GOLGA8A: variants seen among roughly 807,000 people sequenced by gnomAD.
GOLGA8A encodes the protein golgin subfamily A member 8A.
A neutral mutation model predicts 22.1 loss-of-function variants in GOLGA8A; 3 were observed. The ratio of observed to expected loss-of-function variants is 0.14; its 90% CI spans 0.06 to 0.35. GOLGA8A has a LOEUF of 0.35. Among genes scored for constraint, GOLGA8A ranks in the 10% least tolerant of loss-of-function variants. The pLI is 1.00. For missense variants in GOLGA8A, 16 were observed against 233.2 expected (o/e 0.07, Z 6.07); for synonymous variants, 7 against 91.7 (o/e 0.08, Z 5.28).
chr15:34,380,019 ACAGT>A lies in GOLGA8A; in HGVS notation c.*1388_*1391del, dbSNP rs1382014716. The A allele has an allele frequency of 2.6e-5, 4 of 152,662 alleles. No individual in the cohort carries two copies. The highest frequency in any genetic ancestry group is 4.4e-5 in the Non-Finnish European group (3 of 68,044). 9.5% of individuals were successfully genotyped at this position (152,662 alleles called of 1,614,324 possible). On this transcript the variant is annotated 3_prime_UTR_variant, in exon 25 of 25. Coordinates refer to ENST00000359187, the MANE Select transcript of GOLGA8A (RefSeq NM_181077.5). ...ACATTCACAAACAGTAGATTGCACC[ACAGT>A]GTGTAAACATTTTAAGTTGCATAAA...
Position 34,429,522 on chromosome 15 carries a change from C to G in GOLGA8A, c.-1123+5861G>C, listed in dbSNP as rs1455011888. Among the ~76,000 whole-genome samples, 10 of 148,360 alleles carry G rather than the reference C, an allele frequency of 6.7e-5. 1 individual carries two copies. In the East Asian group the frequency reaches 2.0e-3, roughly 29 times the overall value. ...CTAGGATGGGGTCCATGATCCACCCCAACCTACCGTGGGGCTCTCACATCT... is the reference window on the plus strand; with the variant it reads ...CTAGGATGGGGTCCATGATCCACCCGAACCTACCGTGGGGCTCTCACATCT... On this transcript the variant is annotated intron_variant, in intron 2 of 24. Coordinates refer to ENST00000359187, the MANE Select transcript of GOLGA8A (RefSeq NM_181077.5).
rs1352458976 is a variant in GOLGA8A at position 34,431,282 on chromosome 15, GAA to G, written c.-1123+4099_-1123+4100del. 3.8e-5 allele frequency among the ~76,000 whole-genome samples: 3 copies of G among 78,600 alleles called. No homozygotes were observed. The Admixed American group carries it at 4.6e-4, about 12-fold the overall frequency. 51.6% of individuals were successfully genotyped at this position (78,600 alleles called of 152,430 possible). A position where few individuals can be genotyped will look rare whatever the true frequency, so the allele number is the denominator to read the frequency against. On this transcript the variant is annotated intron_variant, in intron 2 of 24. Transcript: ENST00000359187. ...TCCAGGAATGCCAAACCAACCAAAT[GAA>G]AAAAAATTATATATATATATATATA...
At chr15:34,420,212 A>T (rs1892741465) in intron 2 of GOLGA8A, 1 of 146,548 alleles carries the variant, frequency 6.8e-6, no homozygotes. Flanking sequence ...CGATTCTCCC[A>T]GAAGTTTTCC....
intron 2 of GOLGA8A, among the ~76,000 whole-genome samples, chr15:34,430,920 C>A (rs1200061635): frequency 6.7e-6 from 1 of 149,256 alleles, no homozygotes. Flanking sequence ...CCCACTGCAC[C>A]ACACCCGTGA....
At chr15:34,430,183 A>T (rs1171767274) in intron 2 of GOLGA8A, among the ~76,000 whole-genome samples, 12 of 149,184 alleles carry the variant, frequency 8.0e-5, no homozygotes, top group Non-Finnish European at 1.5e-4. Context: ...AATCTGTGAA[A>T]GCTCAAGGGA....
intron 2 of GOLGA8A, among the ~76,000 whole-genome samples, chr15:34,432,004 T>C (rs139526391): frequency 6.7e-6 from 1 of 149,254 alleles, no homozygotes; most frequent in African/African-American, 2.5e-5. Context: ...CGACTCACTA[T>C]TTACTAATAA....
In GOLGA8A at chr15:34,431,335, A is replaced by ATCTCTCTC. The variant is rs1254192860; in HGVS notation, c.-1123+4047_-1123+4048insGAGAGAGA. ...TACATATATATATATATATATATAT[A>ATCTCTCTC]TATATATATATCTCACACACACACA... On this transcript the variant is annotated intron_variant, in intron 2 of 24. Transcript: ENST00000359187. 1.6e-4 allele frequency among the ~76,000 whole-genome samples: 11 copies of ATCTCTCTC among 69,720 alleles called. 1 individual carries two copies. Among genetic ancestry groups the ATCTCTCTC allele is most frequent in the Middle Eastern group, 8.3e-3 (1 of 120 alleles). The allele number at this position is 69,720 out of a possible 152,430, so 45.7% of individuals were successfully genotyped here.
At chr15:34,427,422 T>A (rs1191454039) in intron 2 of GOLGA8A, among the ~76,000 whole-genome samples, 1 of 148,792 alleles carries the variant, frequency 6.7e-6, no homozygotes, top group African/African-American at 2.5e-5. Flanking sequence ...TTCTGAAAAC[T>A]TGCTTTAAAG....
At position 34,381,016 on chromosome 15, in the gene GOLGA8A, T is replaced by G. The variant is rs1891461116; in HGVS notation, c.*395A>C. The G allele has an allele frequency of 2.9e-6, 1 of 349,366 alleles. No homozygotes were observed. Among genetic ancestry groups the G allele is most frequent in the Non-Finnish European group, 5.5e-6 (1 of 182,582 alleles). 21.6% of individuals were successfully genotyped at this position (349,366 alleles called of 1,614,324 possible). A position where few individuals can be genotyped will look rare whatever the true frequency, so the allele number is the denominator to read the frequency against. Reference sequence around the variant, plus strand: ...TAGCAGAACATTAGCAAATTTTATCTGAATTCTGTAATGGACATCCATGCT... The same window carrying G: ...TAGCAGAACATTAGCAAATTTTATCGGAATTCTGTAATGGACATCCATGCT... On this transcript the variant is annotated 3_prime_UTR_variant, in exon 25 of 25. Coordinates refer to ENST00000359187, the MANE Select transcript of GOLGA8A (RefSeq NM_181077.5).
rs1891459777 is a variant in GOLGA8A at position 34,380,996 on chromosome 15, G to C, written c.*415C>G. On this transcript the variant is annotated 3_prime_UTR_variant, in exon 25 of 25. Transcript: ENST00000359187. The stretch of plus-strand genomic sequence containing the variant: ...TAAGATGAGATCAAACATCATAGCA[G>C]AACATTAGCAAATTTTATCTGAATT... 2 of 344,786 alleles carry C rather than the reference G, an allele frequency of 5.8e-6. No individual in the cohort carries two copies. Among genetic ancestry groups the C allele is most frequent in the South Asian group, 2.4e-5 (1 of 42,202 alleles). The allele number at this position is 344,786 out of a possible 1,614,324, so 21.4% of individuals were successfully genotyped here. A position where few individuals can be genotyped will look rare whatever the true frequency, so the allele number is the denominator to read the frequency against.
rs1176663381 is a variant in GOLGA8A, at chr15:34,421,406, C to T, written c.-1122-13671G>A. ...CCAGCACTCTGCTCTGTATAAAAGA[C>T]TGACTGTGGCAAGATAAGGGTTTAA... On this transcript the variant is annotated intron_variant, in intron 2 of 24. Transcript: ENST00000359187. 5.6e-5 allele frequency among the ~76,000 whole-genome samples: 8 copies of T among 141,772 alleles called. 1 individual carries two copies. Among genetic ancestry groups the T allele is most frequent in the African/African-American group, 7.8e-5 (3 of 38,306 alleles). The allele number at this position is 141,772 out of a possible 152,430, so 93.0% of individuals were successfully genotyped here. A position where few individuals can be genotyped will look rare whatever the true frequency, so the allele number is the denominator to read the frequency against.
At position 34,431,291 on chromosome 15, in the gene GOLGA8A, TTATATATATATATATATATACATATA is replaced by T. The variant is rs1437770771; in HGVS notation, c.-1123+4066_-1123+4091del. ...GCCAAACCAACCAAATGAAAAAAAA[TTATATATATATATATATATACATATA>T]TATATATATATATATATATATATAT... On this transcript the variant is annotated intron_variant, in intron 2 of 24. Coordinates refer to ENST00000359187, the MANE Select transcript of GOLGA8A (RefSeq NM_181077.5). Among the ~76,000 whole-genome samples the T allele has an allele frequency of 5.8e-4, 65 of 112,144 alleles. 2 individuals are homozygous for T. The highest frequency in any genetic ancestry group is 1.3e-3 in the African/African-American group (38 of 28,274). 73.6% of individuals were successfully genotyped at this position (112,144 alleles called of 152,430 possible). A position where few individuals can be genotyped will look rare whatever the true frequency, so the allele number is the denominator to read the frequency against.
At position 34,379,773 on chromosome 15, in the gene GOLGA8A, T is replaced by G. The variant is rs1252859675; in HGVS notation, c.*1638A>C. On this transcript the variant is annotated 3_prime_UTR_variant, in exon 25 of 25. Transcript: ENST00000359187. Reference sequence around the variant, plus strand: ...ACAGACATTAGAACTTCATGAAGTTTTAACTGTTGATTCTTTCCCAAGCAT... The same window carrying G: ...ACAGACATTAGAACTTCATGAAGTTGTAACTGTTGATTCTTTCCCAAGCAT... 3 of 152,678 alleles carry G rather than the reference T, an allele frequency of 2.0e-5. No homozygotes were observed. Among genetic ancestry groups the G allele is most frequent in the Admixed American group, 6.5e-5 (1 of 15,292 alleles). 9.5% of individuals were successfully genotyped at this position (152,678 alleles called of 1,614,324 possible).
At position 34,434,860 on chromosome 15, in the gene GOLGA8A, G is replaced by A. The variant is rs541197386; in HGVS notation, c.-1123+523C>T. ...GGCAAGGGTGAGGAACTGAGACTGC[G>A]TTGAGGACACACAGCCTGTGAGTGG... On this transcript the variant is annotated intron_variant, in intron 2 of 24. Coordinates refer to ENST00000359187, the MANE Select transcript of GOLGA8A (RefSeq NM_181077.5). Among the ~76,000 whole-genome samples, 162 of 149,692 alleles carry A rather than the reference G, an allele frequency of 1.1e-3. 11 individuals are homozygous for A. The highest frequency in any genetic ancestry group is 1.5e-3 in the Non-Finnish European group (102 of 67,222).
At position 34,379,313 on chromosome 15, in the gene GOLGA8A, T is replaced by C. The variant is rs1891358956; in HGVS notation, c.*2098A>G. On this transcript the variant is annotated 3_prime_UTR_variant, in exon 25 of 25. Coordinates refer to ENST00000359187, the MANE Select transcript of GOLGA8A (RefSeq NM_181077.5). Reference sequence around the variant, plus strand: ...ACTACAGGATTTATATTTTAAAATGTTTTATTTCAGAACATTAAGATAGCA... The same window carrying C: ...ACTACAGGATTTATATTTTAAAATGCTTTATTTCAGAACATTAAGATAGCA... 1 of 152,666 alleles carries C rather than the reference T, an allele frequency of 6.6e-6. No individual in the cohort carries two copies. The highest frequency in any genetic ancestry group is 2.1e-4 in the South Asian group (1 of 4,832). 9.5% of individuals were successfully genotyped at this position (152,666 alleles called of 1,614,324 possible).
At position 34,426,746 on chromosome 15, in the gene GOLGA8A, T is replaced by C. The variant is rs918605412; in HGVS notation, c.-1123+8637A>G. ...TAATTGCGAGAAGGCAAAATTTTTT[T>C]AAAACAGAGACATCAAGCCAGGTAC... On this transcript the variant is annotated intron_variant, in intron 2 of 24. Coordinates refer to ENST00000359187, the MANE Select transcript of GOLGA8A (RefSeq NM_181077.5). Among the ~76,000 whole-genome samples, 9 of 143,178 alleles carry C rather than the reference T, an allele frequency of 6.3e-5. 1 individual carries two copies. Among genetic ancestry groups the C allele is most frequent in the Admixed American group, 1.5e-4 (2 of 13,600 alleles). 93.9% of individuals were successfully genotyped at this position (143,178 alleles called of 152,430 possible).
At chr15:34,412,024 G>GT (rs1206230155) in intron 2 of GOLGA8A, among the ~76,000 whole-genome samples, 6,911 of 16,112 alleles carry the variant, frequency 0.43, 1,143 homozygotes, top group South Asian at 0.5. Context: ...CTGGTCCTGG[G>GT]TTTTTTTTTT....
rs1363192377 is a variant in GOLGA8A, at chr15:34,379,837, A to G, written c.*1574T>C. 3.3e-5 allele frequency: 5 copies of G among 152,708 alleles called. No individual in the cohort carries two copies. The highest frequency in any genetic ancestry group is 7.2e-5 in the African/African-American group (3 of 41,474). 9.5% of individuals were successfully genotyped at this position (152,708 alleles called of 1,614,324 possible). A position where few individuals can be genotyped will look rare whatever the true frequency, so the allele number is the denominator to read the frequency against. ...TTTAGGCAATGTATGATTGAAATGC[A>G]TTCATTCATCATGCATAGGCACAAT... On this transcript the variant is annotated 3_prime_UTR_variant, in exon 25 of 25. Transcript: ENST00000359187.
At chr15:34,433,190 CAGG>C (rs1893333996) in intron 2 of GOLGA8A, among the ~76,000 whole-genome samples, 1 of 148,048 alleles carries the variant, frequency 6.8e-6, no homozygotes, top group Non-Finnish European at 1.5e-5. Context: ...GAGAGTCAGG[CAGG>C]AGGAGGCTTC....
Sources: gnomAD v4.1 joint callset for allele counts (sites outside exome capture counted in the v4.1 genomes callset) on GRCh38, gnomAD v4.1.1 for gene constraint, MANE v1.5 for transcripts, NCBI Gene and HGNC (gene_info 2026-07-23, HGNC 2026-07-21) for gene names.